The following MEGF6 variants were observed in gnomAD, a reference collection of about 807,000 sequenced individuals.
MEGF6 encodes multiple EGF like domains 6.
MEGF6 carries 184 observed loss-of-function variants against 207.1 expected under a neutral mutation model. The ratio of observed to expected loss-of-function variants is 0.89; its 90% confidence interval spans 0.79 to 1.00. The LOEUF is 1.00. Ranked by LOEUF, MEGF6 falls within the 50% of genes least tolerant of loss-of-function variation. The pLI, the probability that MEGF6 is intolerant of heterozygous loss-of-function variation, is 0.00. For synonymous variants in MEGF6, 1,038 were observed against 910.0 expected (o/e 1.14, Z -2.53); for missense variants, 2,282 against 2,202.9 (o/e 1.04, Z -0.72).
chr1:3,507,695 GTGGGAGGAAGGAGACAA>G, intron 14 of MEGF6, 83 bp downstream of exon 14: 1 of 1,500,020 alleles, frequency 6.7e-7, no homozygotes, highest in Non-Finnish European at 9.3e-7. Flanking sequence ...CCCTGCTCCA[GTGGGAGGAAGGAGACAA>G]GGAGGACGTG....
At chr1:3,601,081 C>T (rs1557810339) in intron 2 of MEGF6, among the ~76,000 whole-genome samples, 2 of 152,216 alleles carry the variant, frequency 1.3e-5, no homozygotes, top group Non-Finnish European at 2.9e-5. Context: ...CAGTGCCCTG[C>T]CAGGAGGCTG....
At chr1:3,526,230 GC>G (rs1388763033) in intron 4 of MEGF6, among the ~76,000 whole-genome samples, 1 of 152,190 alleles carries the variant, frequency 6.6e-6, no homozygotes, top group African/African-American at 2.4e-5. Context: ...GGCCAGAGAG[GC>G]CAAGGCTAAC....
chr1:3,567,354 T>A (rs1024097615), intron 4 of MEGF6, among the ~76,000 whole-genome samples: 4 of 152,212 alleles, frequency 2.6e-5, no homozygotes, highest in African/African-American at 9.6e-5. Flanking sequence ...TCGCCTCTCC[T>A]GGGATCCTCC....
intron 5 of MEGF6, among the ~76,000 whole-genome samples, chr1:3,517,412 C>A (rs536511866): frequency 2.0e-5 from 3 of 152,226 alleles, no homozygotes; most frequent in Non-Finnish European, 4.4e-5. Context: ...AGAGCCTGTC[C>A]TCTTGCCACT....
chr1:3,526,884 C>A (rs1285635452), intron 4 of MEGF6, among the ~76,000 whole-genome samples: 1 of 152,208 alleles, frequency 6.6e-6, no homozygotes, highest in Non-Finnish European at 1.5e-5. Flanking sequence ...GGAGGCCCCG[C>A]CTGCTGACCT....
At chr1:3,531,804 C>G (rs1036196515) in intron 4 of MEGF6, among the ~76,000 whole-genome samples, 4 of 141,982 alleles carry the variant, frequency 2.8e-5, no homozygotes, top group Admixed American at 2.1e-4. Flanking sequence ...CCGTCCTGGC[C>G]GGGCCGCGGG....
chr1:3,586,132 TGACACATGTCCTGTGTGTGTGTGAG>T (rs1295337632), intron 3 of MEGF6, among the ~76,000 whole-genome samples: 10 of 142,724 alleles, frequency 7.0e-5, no homozygotes, highest in East Asian at 2.1e-4. Flanking sequence ...TGTGTGGGTG[TGACACATGTCCTGTGTGTGTGTGAG>T]GACACATGTC....
At position 3,571,186 on chromosome 1, in the gene MEGF6, A is replaced by AT. The variant is rs571912187; in HGVS notation, c.481+8638dup. On this transcript the variant is annotated intron_variant, in intron 4 of 36. Transcript: ENST00000356575. ...CCATGGCCAGTGGCTGGGTTTTCTG[A>AT]TGGTCCAGAAACCAGAGAGTGCTCC... 3.7e-3 allele frequency among the ~76,000 whole-genome samples: 562 copies of AT among 152,070 alleles called. 6 individuals are homozygous for AT. Among genetic ancestry groups the AT allele is most frequent in the African/African-American group, 0.012 (515 of 41,464 alleles).
intron 35 of MEGF6, among the ~76,000 whole-genome samples, chr1:3,492,269 G>A (rs1640405291): frequency 6.6e-6 from 1 of 152,150 alleles, no homozygotes; most frequent in South Asian, 2.1e-4. Context: ...GGGCAGGGAT[G>A]GCCAGCGTCC....
chr1:3,496,163 A>G, intron 29 of MEGF6, 145 bp from the exon 30 acceptor site: 1 of 1,229,456 alleles, frequency 8.1e-7, no homozygotes, highest in Non-Finnish European at 1.1e-6. Context: ...ACTCTCATGC[A>G]CCCACCCTGG....
intron 3 of MEGF6, among the ~76,000 whole-genome samples, chr1:3,590,291 C>T (rs1448765213): frequency 1.3e-5 from 2 of 152,168 alleles, no homozygotes; most frequent in Admixed American, 1.3e-4. Flanking sequence ...AATGGTGCTG[C>T]CAGGACCAGG....
In MEGF6 at chr1:3,535,013, G is replaced by A. The variant is rs148490553; in HGVS notation, c.482-10767C>T. ...CCAGTGCAGGACTGGGGCCACAGAGGCAGCTCCTGGCCCACTGAAGGGCTG... is the reference window on the plus strand; with the variant it reads ...CCAGTGCAGGACTGGGGCCACAGAGACAGCTCCTGGCCCACTGAAGGGCTG... On this transcript the variant is annotated intron_variant, in intron 4 of 36. Coordinates refer to ENST00000356575, the MANE Select transcript of MEGF6 (RefSeq NM_001409.4). 4.0e-3 allele frequency among the ~76,000 whole-genome samples: 614 copies of A among 152,336 alleles called. 4 individuals carry two copies. The highest frequency in any genetic ancestry group is 0.014 in the African/African-American group (579 of 41,576).
chr1:3,611,551 GC>G, upstream of MEGF6: 1 of 220,470 alleles, frequency 4.5e-6, no homozygotes, highest in Non-Finnish European at 7.5e-6. Context: ...CCCCCGGCCC[GC>G]CCCCAGCCCG....
At chr1:3,551,906 G>C (rs1570121019) in intron 4 of MEGF6, among the ~76,000 whole-genome samples, 1 of 152,206 alleles carries the variant, frequency 6.6e-6, no homozygotes, top group Non-Finnish European at 1.5e-5. Context: ...AGAAGCCTGA[G>C]AGCTGAGCTC....
chr1:3,602,373 G>A (rs1204635457), intron 2 of MEGF6, 93 bp downstream of exon 2: 39 of 1,554,574 alleles, frequency 2.5e-5, no homozygotes, highest in Middle Eastern at 4.0e-4. Context: ...AGACCAGGAC[G>A]GGGTCCTGGC....
chr1:3,558,681 T>C lies in MEGF6; in HGVS notation c.481+21144A>G, dbSNP rs560246923. 1.1e-4 allele frequency among the ~76,000 whole-genome samples: 16 copies of C among 152,354 alleles called. No individual in the cohort carries two copies. The South Asian group carries it at 2.3e-3, about 22-fold the overall frequency. On this transcript the variant is annotated intron_variant, in intron 4 of 36. Coordinates refer to ENST00000356575, the MANE Select transcript of MEGF6 (RefSeq NM_001409.4). Reference sequence around the variant, plus strand: ...AACTGCGTTAGGGATAAAAATCCCTTCCTTTCTCTGTTCGGTGTGCTCTTG... The same window carrying C: ...AACTGCGTTAGGGATAAAAATCCCTCCCTTTCTCTGTTCGGTGTGCTCTTG...
At chr1:3,493,603 TC>T (rs1407644442) in intron 34 of MEGF6, 167 bp downstream of exon 34, 4 of 904,014 alleles carry the variant, frequency 4.4e-6, no homozygotes, top group Non-Finnish European at 6.6e-6. Flanking sequence ...GTACCGCATG[TC>T]CCAGCAGCTG....
rs142708221 is a variant in MEGF6 at position 3,583,245 on chromosome 1, G to A, written c.377-3316C>T. ...CCCCCATGCCGTCAGCATCCCCTCCGCACTGCAGCATGTGCTGACAACCCA... is the reference window on the plus strand; with the variant it reads ...CCCCCATGCCGTCAGCATCCCCTCCACACTGCAGCATGTGCTGACAACCCA... On this transcript the variant is annotated intron_variant, in intron 3 of 36. Transcript: ENST00000356575. Among the ~76,000 whole-genome samples the A allele has an allele frequency of 2.9e-3, 436 of 152,046 alleles. 2 individuals are homozygous for A. Among genetic ancestry groups the A allele is most frequent in the Non-Finnish European group, 5.1e-3 (348 of 67,970 alleles).
chr1:3,504,679 T>A (rs1641036181), intron 17 of MEGF6, among the ~76,000 whole-genome samples: 1 of 152,088 alleles, frequency 6.6e-6, no homozygotes, highest in Admixed American at 6.5e-5. Flanking sequence ...CCTCCTCCCC[T>A]GCCTGCTATG....
Sources: allele counts gnomAD v4.1 joint callset (sites outside exome capture counted in the v4.1 genomes callset), GRCh38; gene constraint gnomAD v4.1.1; transcripts MANE v1.5; gene names NCBI Gene and HGNC (gene_info 2026-07-23, HGNC 2026-07-21).